The following FRMD6 variants were observed in gnomAD, a reference collection of about 807,000 sequenced individuals.
The protein encoded by FRMD6 is FERM domain-containing protein 6.
Under a neutral mutation model 73.2 loss-of-function variants are expected in FRMD6, and 37 were observed. That is an observed-to-expected ratio of 0.51 (90% CI 0.39 to 0.66). FRMD6 has a LOEUF of 0.66. FRMD6 is among the 30% of genes least tolerant of loss of function. The pLI is 0.00. For missense variants in FRMD6, 714 were observed against 780.5 expected, an observed-to-expected ratio of 0.91 and a Z score of 1.02; for synonymous variants, 273 against 282.2, an observed-to-expected ratio of 0.97 and a Z score of 0.33.
At chr14:51,489,446 C>G (rs969349461) in intron 1 of FRMD6, 1 of 152,564 alleles carries the variant, frequency 6.6e-6, no homozygotes, top group African/African-American at 2.4e-5. Flanking sequence ...TTGTTCTTAC[C>G]CTTTTTTATG....
At chr14:51,628,162 C>T (rs1891185987) in intron 2 of FRMD6, among the ~76,000 whole-genome samples, 1 of 152,080 alleles carries the variant, frequency 6.6e-6, no homozygotes, top group African/African-American at 2.4e-5. Flanking sequence ...ATATGGAGAT[C>T]TCACTGTATT....
chr14:51,714,720 A>C (rs578207902), intron 9 of FRMD6: 3 of 152,320 alleles, frequency 2.0e-5, no homozygotes, highest in African/African-American at 7.2e-5. Flanking sequence ...CCAAATAGAT[A>C]TCCTGTATTG....
intron 11 of FRMD6, among the ~76,000 whole-genome samples, chr14:51,721,599 G>A (rs1445657110): frequency 3.6e-5 from 5 of 139,582 alleles, no homozygotes; most frequent in Admixed American, 1.4e-4. Context: ...GTGAGACTTC[G>A]TCTCAAAAAG....
At chr14:51,407,650 A>G in the FRMD6 span, among the ~76,000 whole-genome samples, 1 of 151,950 alleles carries the variant, frequency 6.6e-6, no homozygotes, top group East Asian at 1.9e-4. Flanking sequence ...ACTGCTTTCT[A>G]TATTTGGCAA....
chr14:51,469,316 A>C, the FRMD6 span, among the ~76,000 whole-genome samples: 600 of 149,826 alleles, frequency 4.0e-3, 4 homozygotes, highest in African/African-American at 0.014. Flanking sequence ...TTCTGGAATA[A>C]AATGTGCTTT....
At chr14:51,468,128 A>G in the FRMD6 span, among the ~76,000 whole-genome samples, 1 of 152,064 alleles carries the variant, frequency 6.6e-6, no homozygotes, top group Non-Finnish European at 1.5e-5. Flanking sequence ...GTCTCCACCA[A>G]AAAAATACAA....
chr14:51,658,661 T>C (rs1893006439), intron 1 of FRMD6, among the ~76,000 whole-genome samples: 5 of 152,168 alleles, frequency 3.3e-5, no homozygotes, highest in Admixed American at 2.0e-4. Flanking sequence ...GCAGTGAAAT[T>C]CTGACGCTAA....
chr14:51,608,966 G>A (rs961508462), intron 2 of FRMD6, among the ~76,000 whole-genome samples: 1 of 139,916 alleles, frequency 7.1e-6, no homozygotes, highest in Non-Finnish European at 1.6e-5. Context: ...CACCAGCCTT[G>A]GGGGGTGGCT....
intron 5 of FRMD6, among the ~76,000 whole-genome samples, chr14:51,703,883 C>T (rs1896476012): frequency 6.6e-6 from 1 of 152,046 alleles, no homozygotes; most frequent in African/African-American, 2.4e-5. Context: ...GGCAAATGAG[C>T]TCATTAAAAT....
At chr14:51,448,859 A>T in the FRMD6 span, among the ~76,000 whole-genome samples, 1 of 152,186 alleles carries the variant, frequency 6.6e-6, no homozygotes, top group Non-Finnish European at 1.5e-5. Context: ...TATAATCTTG[A>T]CATTCTCTCT....
intron 2 of FRMD6, among the ~76,000 whole-genome samples, chr14:51,593,713 CA>C (rs942698266): frequency 6.6e-6 from 1 of 152,096 alleles, no homozygotes; most frequent in Admixed American, 6.5e-5. Context: ...GCTTCATTCT[CA>C]AAGAGAATAA....
the FRMD6 span, among the ~76,000 whole-genome samples, chr14:51,474,651 T>C: frequency 6.6e-6 from 1 of 151,808 alleles, no homozygotes; most frequent in African/African-American, 2.4e-5. Context: ...GGCATTGGAG[T>C]GGGCCAGCCC....
At chr14:51,481,066 A>C in the FRMD6 span, among the ~76,000 whole-genome samples, 1 of 152,244 alleles carries the variant, frequency 6.6e-6, no homozygotes, top group African/African-American at 2.4e-5. Context: ...TAAGACCAAA[A>C]TTCTAGGTTT....
At chr14:51,426,911 C>G in the FRMD6 span, among the ~76,000 whole-genome samples, 1 of 152,162 alleles carries the variant, frequency 6.6e-6, no homozygotes, top group Non-Finnish European at 1.5e-5. Flanking sequence ...TAGCTTAGAG[C>G]TGACAGAGCA....
chr14:51,514,512 A>G (rs1428208337), intron 1 of FRMD6, among the ~76,000 whole-genome samples: 1 of 152,180 alleles, frequency 6.6e-6, no homozygotes, highest in Non-Finnish European at 1.5e-5. Flanking sequence ...TTAAAGTAAA[A>G]TAAATAAATA....
the FRMD6 span, among the ~76,000 whole-genome samples, chr14:51,459,826 CAA>C: frequency 4.2e-3 from 242 of 58,278 alleles, 1 homozygote; most frequent in African/African-American, 0.017. Flanking sequence ...GACTCCATTT[CAA>C]AAAAAAAAAA....
intron 1 of FRMD6, among the ~76,000 whole-genome samples, chr14:51,497,199 A>G (rs967754175): frequency 2.6e-5 from 4 of 151,496 alleles, no homozygotes; most frequent in Admixed American, 2.0e-4. Flanking sequence ...TCCTGACTCA[A>G]CGCTCTGGGT....
At chr14:51,453,602 G>A in the FRMD6 span, among the ~76,000 whole-genome samples, 283 of 152,212 alleles carry the variant, frequency 1.9e-3, 2 homozygotes, top group African/African-American at 6.5e-3. Flanking sequence ...TGATTGAGGG[G>A]ATTATCAAAT....
upstream of FRMD6, among the ~76,000 whole-genome samples, chr14:51,647,102 T>C (rs1384402260): frequency 6.6e-6 from 1 of 152,214 alleles, no homozygotes; most frequent in East Asian, 1.9e-4. Flanking sequence ...ACATCCCCTG[T>C]AAACCATATT....
Sources: gnomAD v4.1 joint callset for allele counts (sites outside exome capture counted in the v4.1 genomes callset) on GRCh38, gnomAD v4.1.1 for gene constraint, MANE v1.5 for transcripts, NCBI Gene and HGNC (gene_info 2026-07-23, HGNC 2026-07-21) for gene names.